Variants in RRN3 observed in about 807,000 individuals in gnomAD.
The protein encoded by RRN3 is RNA polymerase I-specific transcription initiation factor RRN3.
In RRN3, 38 loss-of-function variants were observed where a neutral mutation model predicts 82.3. The ratio of observed to expected loss-of-function variants is 0.46; its 90% confidence interval spans 0.36 to 0.61. The LOEUF (loss-of-function observed/expected upper bound fraction) is 0.61. Among genes scored for constraint, RRN3 ranks in the 20% least tolerant of loss-of-function variants. The probability of loss-of-function intolerance (pLI) is 0.00; values close to 1 mark genes in which losing one functional copy is unlikely to be tolerated. For synonymous variants in RRN3, 284 were observed against 284.3 expected, an observed-to-expected ratio of 1.00 and a Z score of 0.01; for missense variants, 726 against 793.1, an observed-to-expected ratio of 0.92 and a Z score of 1.02.
chr16:15,061,548 C>G lies in RRN3; in HGVS notation c.*196G>C, dbSNP rs1298165974. On this transcript the variant is annotated 3_prime_UTR_variant, in exon 18 of 18. Coordinates refer to ENST00000198767, the MANE Select transcript of RRN3 (RefSeq NM_018427.5). The stretch of plus-strand genomic sequence containing the variant: ...TTGCACATGATAGTCTTCATTTTGT[C>G]TGTAAGGGGAACAACAACAACAAAA... 1 of 471,536 alleles carries G rather than the reference C, an allele frequency of 2.1e-6. No individual in the cohort carries two copies. Among genetic ancestry groups the G allele is most frequent in the East Asian group, 3.1e-5 (1 of 32,326 alleles). 29.2% of individuals were successfully genotyped at this position (471,536 alleles called of 1,614,324 possible). A position where few individuals can be genotyped will look rare whatever the true frequency, so the allele number is the denominator to read the frequency against.
Position 15,061,469 on chromosome 16 carries a change from A to C in RRN3, c.*275T>G, listed in dbSNP as rs887495985. On this transcript the variant is annotated 3_prime_UTR_variant, in exon 18 of 18. Coordinates refer to ENST00000198767, the MANE Select transcript of RRN3 (RefSeq NM_018427.5). ...AAAAAGCTGTTAACACAAAAAATGT[A>C]CATATTAAACAAGCAAATCCTTCCA... The C allele has an allele frequency of 8.3e-5, 31 of 374,980 alleles. 1 individual carries two copies. The East Asian group carries it at 1.2e-3, about 15-fold the overall frequency. The allele number at this position is 374,980 out of a possible 1,614,324, so 23.2% of individuals were successfully genotyped here.
intron 16 of RRN3, among the ~76,000 whole-genome samples, chr16:15,063,736 C>G (rs1013858665): frequency 1.8e-4 from 25 of 140,662 alleles, no homozygotes; most frequent in Non-Finnish European, 2.5e-4. Context: ...AAAAACAAAA[C>G]AAAAAAACAA....
chr16:15,083,967 C>T (rs1192663299), intron 7 of RRN3, among the ~76,000 whole-genome samples: 1 of 152,340 alleles, frequency 6.6e-6, no homozygotes, highest in Admixed American at 6.5e-5. Context: ...CCGCCCGCCT[C>T]GGCCTCCCAA....
In RRN3 at chr16:15,063,654, G is replaced by A. The variant is rs552596900; in HGVS notation, c.1707-371C>T. 1.9e-3 allele frequency among the ~76,000 whole-genome samples: 271 copies of A among 139,766 alleles called. 1 individual carries two copies. Among genetic ancestry groups the A allele is most frequent in the African/African-American group, 5.6e-3 (214 of 38,306 alleles). The allele number at this position is 139,766 out of a possible 152,430, so 91.7% of individuals were successfully genotyped here. A position where few individuals can be genotyped will look rare whatever the true frequency, so the allele number is the denominator to read the frequency against. On this transcript the variant is annotated intron_variant, in intron 16 of 17. Coordinates refer to ENST00000198767, the MANE Select transcript of RRN3 (RefSeq NM_018427.5). ...TGGGAGACGGAGCTTGCAGCGAGCC[G>A]AGATCGCGCCACTGCACTCCAGCCT...
chr16:15,076,957 GCT>G (rs897519668), intron 9 of RRN3, among the ~76,000 whole-genome samples: 2 of 150,216 alleles, frequency 1.3e-5, no homozygotes, highest in African/African-American at 2.4e-5. Context: ...ATATGGTCTG[GCT>G]CTGTGTCCCC....
chr16:15,085,285 A>G (rs1170435474), intron 6 of RRN3, among the ~76,000 whole-genome samples: 4 of 152,086 alleles, frequency 2.6e-5, no homozygotes, highest in African/African-American at 7.2e-5. Context: ...CATTTGTTGC[A>G]GTCTACTTAT....
chr16:15,091,916 C>A (rs1272667896), intron 2 of RRN3, among the ~76,000 whole-genome samples: 1 of 152,156 alleles, frequency 6.6e-6, no homozygotes, highest in Admixed American at 6.5e-5. Context: ...TGGTGGCTCA[C>A]GTCTGTAATC....
chr16:15,089,786 CAAAAAAAAAAAAA>C (rs142235345), intron 3 of RRN3, among the ~76,000 whole-genome samples: 2 of 66,580 alleles, frequency 3.0e-5, no homozygotes, highest in South Asian at 6.9e-4. Flanking sequence ...GGCGACAGAG[CAAAAAAAAAAAAA>C]AAAAAAAAAA....
At chr16:15,093,699 G>A (rs2046233247) in intron 1 of RRN3, among the ~76,000 whole-genome samples, 1 of 152,152 alleles carries the variant, frequency 6.6e-6, no homozygotes, top group Non-Finnish European at 1.5e-5. Flanking sequence ...TTTTAAAAGT[G>A]GAGCAAAATA....
At position 15,076,579 on chromosome 16, in the gene RRN3, G is replaced by A. The variant is rs559157413; in HGVS notation, c.837C>T (p.Ser279=). 5.6e-6 allele frequency: 9 copies of A among 1,611,666 alleles called. No individual in the cohort carries two copies. In the Admixed American group the frequency reaches 1.3e-4, roughly 24 times the overall value. ...TAACCATATTAAACAATCCTTCCGTGGAATCTGTCCCACCACAAGTTTGAG... is the reference window on the plus strand; with the variant it reads ...TAACCATATTAAACAATCCTTCCGTAGAATCTGTCCCACCACAAGTTTGAG... ...TATQTCGGTD[S]TEGLFNMDED... The change falls in exon 10 of 18, where the codon TCC becomes TCT. Residue 279 remains serine (S), a synonymous_variant. Transcript: ENST00000198767.
intron 16 of RRN3, among the ~76,000 whole-genome samples, chr16:15,064,023 C>G (rs1344098482): frequency 6.6e-6 from 1 of 152,190 alleles, no homozygotes; most frequent in Non-Finnish European, 1.5e-5. Flanking sequence ...ACCAAGACTT[C>G]AGGGACCAGA....
chr16:15,083,070 C>T (rs558389210), intron 8 of RRN3, among the ~76,000 whole-genome samples: 41 of 152,282 alleles, frequency 2.7e-4, no homozygotes, highest in Admixed American at 1.8e-3. Flanking sequence ...AATTCTTAGA[C>T]GTCAGTTTAA....
chr16:15,071,918 T>A (rs1317085360), intron 12 of RRN3, among the ~76,000 whole-genome samples: 1 of 152,082 alleles, frequency 6.6e-6, no homozygotes, highest in African/African-American at 2.4e-5. Context: ...ATAATTCACA[T>A]CCCATGGAGC....
At position 15,068,296 on chromosome 16, in the gene RRN3, A is replaced by G. The variant is rs1386777608; in HGVS notation, c.1445-19T>C. ...TGCAAACCTTTGGTTTAAAAAAAAA[A>G]AAGATTTTTTTAAAGGTACAAATAA... On this transcript the variant is annotated intron_variant, in intron 14 of 17. Coordinates refer to ENST00000198767, the MANE Select transcript of RRN3 (RefSeq NM_018427.5). 2 of 1,567,488 alleles carry G rather than the reference A, an allele frequency of 1.3e-6. No homozygotes were observed. The highest frequency in any genetic ancestry group is 1.4e-5 in the African/African-American group (1 of 72,252).
chr16:15,080,412 C>G (rs912208111), intron 8 of RRN3, among the ~76,000 whole-genome samples: 15 of 152,202 alleles, frequency 9.9e-5, no homozygotes, highest in African/African-American at 3.4e-4. Flanking sequence ...AGTTATGAGA[C>G]CATCAACATA....
upstream of RRN3, chr16:15,094,286 C>G: frequency 7.1e-7 from 1 of 1,404,296 alleles, no homozygotes; most frequent in Non-Finnish European, 9.8e-7. Flanking sequence ...CAGCTCCTTC[C>G]AGCCACAGCC....
At chr16:15,092,066 C>G (rs549145551) in intron 2 of RRN3, among the ~76,000 whole-genome samples, 2 of 152,200 alleles carry the variant, frequency 1.3e-5, no homozygotes, top group South Asian at 4.1e-4. Flanking sequence ...GTAACCCCAC[C>G]TATTCGGAAG....
chr16:15,085,002 G>C (rs1372882562), intron 6 of RRN3, among the ~76,000 whole-genome samples: 1 of 151,462 alleles, frequency 6.6e-6, no homozygotes, highest in African/African-American at 2.4e-5. Flanking sequence ...GGAGGTGAAG[G>C]CTGCAGCGAA....
At chr16:15,091,445 T>C in intron 2 of RRN3, 74 bp from the exon 3 acceptor site, 1 of 933,682 alleles carries the variant, frequency 1.1e-6, no homozygotes, top group Non-Finnish European at 1.6e-6. Context: ...CTTTTAACCG[T>C]ACTTTAACAT....
Sources: gnomAD v4.1 joint callset for allele counts (sites outside exome capture counted in the v4.1 genomes callset) on GRCh38, gnomAD v4.1.1 for gene constraint, MANE v1.5 for transcripts, NCBI Gene and HGNC (gene_info 2026-07-23, HGNC 2026-07-21) for gene names.